The following CELF5 variants were observed in gnomAD, a reference collection of about 807,000 sequenced individuals.
CELF5 encodes CUG-BP and ETR-3 like factor 5.
CELF5 carries 6 observed loss-of-function variants against 54.9 expected under a neutral mutation model. That is an observed-to-expected ratio of 0.11 (90% CI 0.06 to 0.22). The LOEUF (loss-of-function observed/expected upper bound fraction) is 0.22, where lower values mean the gene tolerates loss of function less well. Among genes scored for constraint, CELF5 ranks in the 10% least tolerant of loss-of-function variants. The pLI is 1.00. For synonymous variants in CELF5, 271 were observed against 290.9 expected (o/e 0.93, Z 0.70); for missense variants, 401 against 678.6 (o/e 0.59, Z 4.54).
At chr19:3,273,187 G>C (rs925228924) in intron 2 of CELF5, among the ~76,000 whole-genome samples, 22 of 152,014 alleles carry the variant, frequency 1.4e-4, no homozygotes, top group African/African-American at 5.1e-4. Flanking sequence ...ATTTGTTCTC[G>C]ATTCTGCAAA....
At chr19:3,259,772 C>T (rs768951919) in intron 2 of CELF5, among the ~76,000 whole-genome samples, 2 of 149,564 alleles carry the variant, frequency 1.3e-5, no homozygotes, top group African/African-American at 2.5e-5. Flanking sequence ...ACGGTTGTCA[C>T]GACGTGGGGG....
intron 2 of CELF5, among the ~76,000 whole-genome samples, chr19:3,254,712 CATCT>C (rs1023783553): frequency 1.3e-5 from 2 of 151,846 alleles, no homozygotes; most frequent in Non-Finnish European, 2.9e-5. Flanking sequence ...CACATCCATC[CATCT>C]ACCATTCATC....
At chr19:3,294,719 CGG>C (rs1296866425) in intron 12 of CELF5, 1 of 152,048 alleles carries the variant, frequency 6.6e-6, no homozygotes, top group East Asian at 1.9e-4. Context: ...TGAACAGAAA[CGG>C]GGGATGGAGG....
At chr19:3,237,598 G>A (rs1325000074) in intron 1 of CELF5, among the ~76,000 whole-genome samples, 2 of 152,164 alleles carry the variant, frequency 1.3e-5, no homozygotes, top group African/African-American at 4.8e-5. Flanking sequence ...AGCATGTAAT[G>A]AGCAGTGAGG....
chr19:3,233,775 G>A (rs1191287789), intron 1 of CELF5, among the ~76,000 whole-genome samples: 2 of 152,214 alleles, frequency 1.3e-5, no homozygotes, highest in South Asian at 2.1e-4. Flanking sequence ...CCCAAGAGAG[G>A]TGGAGCCATG....
intron 1 of CELF5, among the ~76,000 whole-genome samples, chr19:3,247,889 G>T (rs1461979370): frequency 6.6e-6 from 1 of 151,732 alleles, no homozygotes; most frequent in Admixed American, 6.6e-5. Flanking sequence ...AGCCTCCCGA[G>T]TAGCTAGAAT....
chr19:3,230,222 G>A (rs1353926503), intron 1 of CELF5, among the ~76,000 whole-genome samples: 1 of 152,204 alleles, frequency 6.6e-6, no homozygotes, highest in African/African-American at 2.4e-5. Flanking sequence ...TCTGGCTTGG[G>A]TCAGAGGGAG....
intron 2 of CELF5, among the ~76,000 whole-genome samples, chr19:3,256,102 G>A (rs2079721778): frequency 6.6e-6 from 1 of 150,932 alleles, no homozygotes; most frequent in Admixed American, 6.6e-5. Context: ...TACTATTTTT[G>A]GAGGTGTTAA....
chr19:3,230,283 G>A (rs1006320149), intron 1 of CELF5, among the ~76,000 whole-genome samples: 2 of 152,216 alleles, frequency 1.3e-5, no homozygotes, highest in African/African-American at 4.8e-5. Flanking sequence ...CTGCCTGGAG[G>A]AGGGGCATTA....
Position 3,293,479 on chromosome 19 carries a change from T to A in CELF5, c.*33T>A, listed in dbSNP as rs200373336. On this transcript the variant is annotated 3_prime_UTR_variant, in exon 12 of 13. Coordinates refer to ENST00000292672, the MANE Select transcript of CELF5 (RefSeq NM_021938.4). ...CACAGCCGCCCTGAGGCTGTAGGCA[T>A]GGCCCAGGTGAGCCGCCAGGCGGCC... The A allele has an allele frequency of 3.7e-6, 6 of 1,604,276 alleles. No homozygotes were observed. The Admixed American group carries it at 1.0e-4, about 27-fold the overall frequency.
Position 3,278,234 on chromosome 19 carries a change from G to T in CELF5, c.603+124G>T. The T allele has an allele frequency of 1.4e-6, 1 of 707,290 alleles. No homozygotes were observed. The highest frequency in any genetic ancestry group is 2.4e-6 in the Non-Finnish European group (1 of 417,456). 43.8% of individuals were successfully genotyped at this position (707,290 alleles called of 1,614,324 possible). Reference sequence around the variant, plus strand: ...GTAGCCCCTGGCTGTCCTTCAGAGGGGGCACAGGTGGAGAAAGAGGCGCAG... The same window carrying T: ...GTAGCCCCTGGCTGTCCTTCAGAGGTGGCACAGGTGGAGAAAGAGGCGCAG... On this transcript the variant is annotated intron_variant, in intron 5 of 12. Coordinates refer to ENST00000292672, the MANE Select transcript of CELF5 (RefSeq NM_021938.4). This position sits in a 1 kb window ranked among gnomAD's most constrained non-coding sequence, Gnocchi z 4.5.
Position 3,275,308 on chromosome 19 carries a change from C to G in CELF5, c.395-548C>G, listed in dbSNP as rs916192862. On this transcript the variant is annotated intron_variant, in intron 3 of 12. Transcript: ENST00000292672. The surrounding 1 kb of genome is among the most constrained non-coding windows in gnomAD (Gnocchi z 6.7). ...CCCTGGTCCACTGAGCACGTGAACC[C>G]TCACTCCACTCCACAGATGGTGACT... Among the ~76,000 whole-genome samples the G allele has an allele frequency of 1.1e-4, 16 of 152,332 alleles. No individual in the cohort carries two copies. The highest frequency in any genetic ancestry group is 1.0e-3 in the Admixed American group (16 of 15,300).
At chr19:3,272,020 G>C (rs1361094024) in intron 2 of CELF5, among the ~76,000 whole-genome samples, 1 of 152,196 alleles carries the variant, frequency 6.6e-6, no homozygotes, top group Non-Finnish European at 1.5e-5. Context: ...GTAGAAAGGG[G>C]TGAAAATTGC....
chr19:3,265,288 T>C (rs530717339), intron 2 of CELF5, among the ~76,000 whole-genome samples: 21 of 152,246 alleles, frequency 1.4e-4, no homozygotes, highest in African/African-American at 3.9e-4. Flanking sequence ...CAGTGAGCTA[T>C]TGATGCAAAG....
intron 10 of CELF5, among the ~76,000 whole-genome samples, chr19:3,289,845 G>T (rs1307090544): frequency 6.6e-6 from 1 of 151,796 alleles, no homozygotes; most frequent in Non-Finnish European, 1.5e-5. Context: ...TCTGACTTTT[G>T]TAAATGATCC....
At chr19:3,232,220 A>T (rs745495878) in intron 1 of CELF5, among the ~76,000 whole-genome samples, 2 of 152,186 alleles carry the variant, frequency 1.3e-5, no homozygotes, top group Non-Finnish European at 2.9e-5. Context: ...GAAGTAATAC[A>T]GGTAGCTAGT....
chr19:3,246,921 A>G (rs1238448820), intron 1 of CELF5, among the ~76,000 whole-genome samples: 1 of 152,226 alleles, frequency 6.6e-6, no homozygotes, highest in Non-Finnish European at 1.5e-5. Context: ...GAAAGAAGCC[A>G]GACACAAGGG....
chr19:3,276,037 G>C (rs2080043897), intron 4 of CELF5, 53 bp downstream of exon 4: 1 of 1,416,012 alleles, frequency 7.1e-7, no homozygotes, highest in Non-Finnish European at 9.6e-7. Context: ...CTAGCTCTGG[G>C]GGCGGGGCCT....
At chr19:3,294,746 C>T (rs951176552) in intron 12 of CELF5, 1 of 152,162 alleles carries the variant, frequency 6.6e-6, no homozygotes, top group Admixed American at 6.6e-5. Flanking sequence ...GGGAGAAACC[C>T]CCTTCACGGG....
Sources: allele counts gnomAD v4.1 joint callset (sites outside exome capture counted in the v4.1 genomes callset), GRCh38; gene constraint gnomAD v4.1.1; non-coding constraint Gnocchi (gnomAD v3.1); transcripts MANE v1.5; gene names NCBI Gene and HGNC (gene_info 2026-07-23, HGNC 2026-07-21).